Variants in EYS observed in about 807,000 individuals in gnomAD.
EYS encodes protein eyes shut homolog.
In EYS, 250 loss-of-function variants were observed where a neutral mutation model predicts 282.1. The observed-to-expected ratio is 0.89, with a 90% confidence interval of 0.80 to 0.98. The LOEUF (loss-of-function observed/expected upper bound fraction) is 0.98. Ranked by LOEUF, EYS falls within the 50% of genes least tolerant of loss-of-function variation. The pLI is 0.00. For missense variants in EYS, 4,016 were observed against 3,709.0 expected, an observed-to-expected ratio of 1.08 and a Z score of -2.15; for synonymous variants, 1,355 against 1,282.9, an observed-to-expected ratio of 1.06 and a Z score of -1.20.
intron 12 of EYS, among the ~76,000 whole-genome samples, chr6:65,274,778 T>C (rs531485784): frequency 4.6e-5 from 7 of 152,198 alleles, no homozygotes; most frequent in Middle Eastern, 3.4e-3. Context: ...TCAGAGGGTA[T>C]AAATCCAACA....
intron 12 of EYS, among the ~76,000 whole-genome samples, chr6:65,072,491 A>G (rs948353964): frequency 6.6e-6 from 1 of 151,862 alleles, no homozygotes; most frequent in African/African-American, 2.4e-5. Context: ...AATTATCAAA[A>G]TCAACTCCAA....
intron 30 of EYS, among the ~76,000 whole-genome samples, chr6:64,285,126 T>G (rs1768450062): frequency 6.6e-6 from 1 of 152,222 alleles, no homozygotes; most frequent in Non-Finnish European, 1.5e-5. Flanking sequence ...GTTTGTGAAC[T>G]TTTATGCTCT....
chr6:64,289,239 C>A (rs1432362024), intron 30 of EYS, among the ~76,000 whole-genome samples: 2 of 152,026 alleles, frequency 1.3e-5, no homozygotes, highest in African/African-American at 4.8e-5. Context: ...CCTCTTTCCT[C>A]TTCTGGTAAA....
intron 5 of EYS, among the ~76,000 whole-genome samples, chr6:65,429,048 C>T (rs898180391): frequency 6.6e-6 from 1 of 151,996 alleles, no homozygotes; most frequent in African/African-American, 2.4e-5. Flanking sequence ...GGCATGGTGG[C>T]ACATGCCTGA....
intron 31 of EYS, among the ~76,000 whole-genome samples, chr6:64,157,623 CAGCTGTGGCTGAA>C (rs779836663): frequency 4.3e-4 from 65 of 152,264 alleles, no homozygotes; most frequent in Non-Finnish European, 8.2e-4. Context: ...CCAATTGCTC[CAGCTGTGGCTGAA>C]AGGGGCTAAC....
At chr6:65,415,811 T>A (rs1269146216) in intron 5 of EYS, among the ~76,000 whole-genome samples, 1 of 152,044 alleles carries the variant, frequency 6.6e-6, no homozygotes, top group Non-Finnish European at 1.5e-5. Flanking sequence ...TTGCTTAGCA[T>A]ATTGAGAGAA....
intron 26 of EYS, among the ~76,000 whole-genome samples, chr6:64,496,839 A>G (rs1374975023): frequency 2.0e-5 from 3 of 152,062 alleles, no homozygotes; most frequent in Non-Finnish European, 4.4e-5. Context: ...AAAAGCAACA[A>G]GTTTATATTT....
intron 25 of EYS, among the ~76,000 whole-genome samples, chr6:64,592,483 T>G (rs1039437292): frequency 6.6e-6 from 1 of 152,194 alleles, no homozygotes. Flanking sequence ...ACATTTCTAC[T>G]TAGAATACCC....
intron 22 of EYS, among the ~76,000 whole-genome samples, chr6:64,724,686 C>T (rs1166054113): frequency 6.6e-6 from 1 of 152,064 alleles, no homozygotes; most frequent in Non-Finnish European, 1.5e-5. Context: ...AAAATGAATT[C>T]AGTATTTTTA....
At chr6:64,912,821 G>A (rs893574279) in intron 15 of EYS, 78 bp from the exon 16 acceptor site, 3 of 845,232 alleles carry the variant, frequency 3.5e-6, no homozygotes, top group Non-Finnish European at 5.0e-6. Context: ...TTACTCCCTT[G>A]AACTAATAGT....
At chr6:63,864,117 T>A in intron 36 of EYS, 69 bp downstream of exon 36, 1 of 1,332,234 alleles carries the variant, frequency 7.5e-7, no homozygotes, top group Non-Finnish European at 9.9e-7. Context: ...CCTTGATTCA[T>A]CTGAGTGATT....
intron 14 of EYS, among the ~76,000 whole-genome samples, chr6:64,967,755 A>G (rs908151047): frequency 2.6e-5 from 4 of 152,166 alleles, no homozygotes; most frequent in African/African-American, 7.2e-5. Flanking sequence ...CCCATTTATC[A>G]TTCAGGAAGG....
chr6:64,826,651 A>G (rs1283137278), intron 19 of EYS, among the ~76,000 whole-genome samples: 1 of 147,846 alleles, frequency 6.8e-6, no homozygotes, highest in African/African-American at 2.5e-5. Flanking sequence ...GAAATTATAT[A>G]TATTCCTATT....
rs116710601 is a variant in EYS, at chr6:64,692,190, C to T, written c.3444-65945G>A. Among the ~76,000 whole-genome samples the T allele has an allele frequency of 4.7e-3, 720 of 152,198 alleles. 2 individuals carry two copies. The highest frequency in any genetic ancestry group is 0.016 in the African/African-American group (683 of 41,532). On this transcript the variant is annotated intron_variant, in intron 22 of 42. Coordinates refer to ENST00000503581, the MANE Select transcript of EYS (RefSeq NM_001142800.2). ...TGTTTTCTGACATTTTAATAATAGC[C>T]ATTCTAATGTGAGATAATATCTCAC...
At chr6:64,079,137 T>G (rs1771871802) in intron 32 of EYS, among the ~76,000 whole-genome samples, 1 of 152,144 alleles carries the variant, frequency 6.6e-6, no homozygotes, top group South Asian at 2.1e-4. Context: ...AATGTACTAT[T>G]ACTTCCAAAT....
chr6:65,704,767 A>G (rs1287857743), intron 1 of EYS, among the ~76,000 whole-genome samples: 3 of 152,188 alleles, frequency 2.0e-5, no homozygotes, highest in African/African-American at 7.2e-5. Context: ...TAAGCATAAC[A>G]CTGAAAGTAA....
chr6:64,240,557 C>A (rs954329342), intron 30 of EYS, among the ~76,000 whole-genome samples: 15 of 152,044 alleles, frequency 9.9e-5, no homozygotes, highest in Non-Finnish European at 2.1e-4. Flanking sequence ...CTCTATTTGT[C>A]TGTTATTGGT....
At chr6:64,478,486 T>C (rs1655428535) in intron 26 of EYS, among the ~76,000 whole-genome samples, 1 of 151,472 alleles carries the variant, frequency 6.6e-6, no homozygotes, top group Non-Finnish European at 1.5e-5. Flanking sequence ...TTATTGCCAG[T>C]ATTTGTCATA....
At chr6:64,109,492 A>G (rs960167742) in intron 31 of EYS, among the ~76,000 whole-genome samples, 1 of 152,138 alleles carries the variant, frequency 6.6e-6, no homozygotes, top group Admixed American at 6.6e-5. Context: ...CACAAATGCA[A>G]TGCCACTGAT....
Sources: allele counts gnomAD v4.1 joint callset (sites outside exome capture counted in the v4.1 genomes callset), GRCh38; gene constraint gnomAD v4.1.1; transcripts MANE v1.5; gene names NCBI Gene and HGNC (gene_info 2026-07-23, HGNC 2026-07-21).